Variants in SLC18A1 observed in about 807,000 individuals in gnomAD.
The protein encoded by SLC18A1 is chromaffin granule amine transporter.
In SLC18A1, 69 loss-of-function variants were observed where a neutral mutation model predicts 53.7. The ratio of observed to expected loss-of-function variants is 1.28; its 90% CI spans 1.06 to 1.57. SLC18A1 has a LOEUF of 1.57. Among genes scored for constraint, SLC18A1 ranks in the 40% most tolerant of loss-of-function variants. The pLI is 0.00. For synonymous variants in SLC18A1, 320 were observed against 248.1 expected (o/e 1.29, Z -2.72); for missense variants, 932 against 668.1 (o/e 1.40, Z -4.35).
chr8:20,178,479 A>G lies in SLC18A1; in HGVS notation c.503T>C (p.Ile168Thr), dbSNP rs61731076. 8.1e-4 allele frequency: 1,309 copies of G among 1,608,928 alleles called. 9 individuals are homozygous for G. The African/African-American group carries it at 0.015, about 18-fold the overall frequency. Residue 168 changes from isoleucine to threonine, a missense_variant, in exon 4 of 16, where the codon ATC (isoleucine) becomes ACC (threonine). Physicochemically the swap from Ile to Thr is moderately conservative, Grantham distance 89. Coordinates refer to ENST00000276373, the MANE Select transcript of SLC18A1 (RefSeq NM_003053.4). ...GATAACAAAGCCAGCAAACATGGGG[A>G]TATGATATCCAATCCTAAAAGGGAA... ...GPLTNRIGYH[I>T]PMFAGFVIMF...
intron 13 of SLC18A1, 108 bp downstream of exon 13, chr8:20,147,899 C>A (rs1435826691): frequency 3.4e-5 from 49 of 1,447,490 alleles, no homozygotes; most frequent in Non-Finnish European, 4.6e-5. Context: ...CCCTCCTGAT[C>A]CTTCTGCCTC....
Position 20,168,981 on chromosome 8 carries a change from G to A in SLC18A1, c.858+2122C>T, listed in dbSNP as rs558132138. Among the ~76,000 whole-genome samples, 110 of 152,256 alleles carry A rather than the reference G, an allele frequency of 7.2e-4. 3 individuals are homozygous for A. The South Asian group carries it at 0.021, about 30-fold the overall frequency. On this transcript the variant is annotated intron_variant, in intron 8 of 15. Transcript: ENST00000276373. ...AGGCAGAAAGGAAATTTAAGGAGGA[G>A]TAGGAGATTTATATGACTTTACAAC...
intron 14 of SLC18A1, 38 bp downstream of exon 14, chr8:20,147,565 G>C: frequency 6.2e-7 from 1 of 1,612,620 alleles, no homozygotes; most frequent in Non-Finnish European, 8.5e-7. Flanking sequence ...GTAAAGAGTA[G>C]ACAGGGGAAA....
chr8:20,145,677 G>T lies in SLC18A1; in HGVS notation c.*86C>A. ...CAGGCAGAGGTATGTGAAGCCCACT[G>T]AGCCGTGGGCTCAGCCATGGTGATC... On this transcript the variant is annotated 3_prime_UTR_variant, in exon 16 of 16. Coordinates refer to ENST00000276373, the MANE Select transcript of SLC18A1 (RefSeq NM_003053.4). 1 of 767,114 alleles carries T rather than the reference G, an allele frequency of 1.3e-6. No homozygotes were observed. The highest frequency in any genetic ancestry group is 2.1e-6 in the Non-Finnish European group (1 of 465,336). 47.5% of individuals were successfully genotyped at this position (767,114 alleles called of 1,614,324 possible).
In SLC18A1 at chr8:20,164,450, T is replaced by A. The variant is rs561359534; in HGVS notation, c.1015+419A>T. Among the ~76,000 whole-genome samples, 14 of 152,240 alleles carry A rather than the reference T, an allele frequency of 9.2e-5. No homozygotes were observed. In the South Asian group the frequency reaches 1.7e-3, roughly 18 times the overall value. On this transcript the variant is annotated intron_variant, in intron 10 of 15. Coordinates refer to ENST00000276373, the MANE Select transcript of SLC18A1 (RefSeq NM_003053.4). ...TAATATTGTACAGGGTACAAAGCAT[T>A]TTCACCTCATATGTCATTTATTCAT...
chr8:20,168,760 G>A (rs2072037386), intron 8 of SLC18A1, among the ~76,000 whole-genome samples: 1 of 152,194 alleles, frequency 6.6e-6, no homozygotes. Flanking sequence ...AGCAGAGACA[G>A]GGTTTTGCCA....
chr8:20,161,142 G>C (rs1445979245), intron 10 of SLC18A1, among the ~76,000 whole-genome samples: 5 of 152,146 alleles, frequency 3.3e-5, no homozygotes, highest in Non-Finnish European at 5.9e-5. Flanking sequence ...AGTTTCAGAA[G>C]TCTTAAGTGG....
intron 10 of SLC18A1, among the ~76,000 whole-genome samples, chr8:20,156,438 C>A (rs552385689): frequency 1.3e-5 from 2 of 152,086 alleles, no homozygotes; most frequent in African/African-American, 4.8e-5. Flanking sequence ...TCAGGAGGTA[C>A]CCCCTTAAGG....
chr8:20,163,045 A>G (rs960974215), intron 10 of SLC18A1, among the ~76,000 whole-genome samples: 13 of 152,192 alleles, frequency 8.5e-5, no homozygotes, highest in Admixed American at 4.6e-4. Context: ...TGATTTATCA[A>G]TGAAAGAGAT....
chr8:20,177,537 T>C (rs1195405109), intron 4 of SLC18A1, among the ~76,000 whole-genome samples: 2 of 152,150 alleles, frequency 1.3e-5, no homozygotes, highest in Non-Finnish European at 2.9e-5. Context: ...ATACCTAATG[T>C]AAATGATGAG....
At chr8:20,176,981 T>C (rs2072268199) in intron 4 of SLC18A1, among the ~76,000 whole-genome samples, 1 of 152,222 alleles carries the variant, frequency 6.6e-6, no homozygotes, top group African/African-American at 2.4e-5. Context: ...ACACTTCTGA[T>C]AGCTGGAATC....
In SLC18A1 at chr8:20,165,117, T is replaced by A; in HGVS notation, c.859-10A>T. On this transcript the variant is annotated splice_polypyrimidine_tract_variant and intron_variant, in intron 8 of 15. Transcript: ENST00000276373. ...GAGTCCCCTTGGCACTCTGAGAACATGGATAACAAAAAATGTCCATTTGTA... is the reference window on the plus strand; with the variant it reads ...GAGTCCCCTTGGCACTCTGAGAACAAGGATAACAAAAAATGTCCATTTGTA... The A allele has an allele frequency of 6.2e-7, 1 of 1,613,042 alleles. No individual in the cohort carries two copies. Among genetic ancestry groups the A allele is most frequent in the Non-Finnish European group, 8.5e-7 (1 of 1,179,044 alleles).
chr8:20,166,238 C>T (rs944231164), intron 8 of SLC18A1, among the ~76,000 whole-genome samples: 14 of 145,746 alleles, frequency 9.6e-5, no homozygotes, highest in Admixed American at 2.7e-4. Context: ...TAAAATATGG[C>T]GCACACACTA....
chr8:20,156,767 C>T (rs1454531413), intron 10 of SLC18A1, among the ~76,000 whole-genome samples: 1 of 152,164 alleles, frequency 6.6e-6, no homozygotes, highest in African/African-American at 2.4e-5. Context: ...GGGTGTATTC[C>T]TACAAAGGAA....
At position 20,179,389 on chromosome 8, in the gene SLC18A1, CGAGGGCATGTGGG is replaced by C. The variant is rs756102413; in HGVS notation, c.207_219del (p.His71LeufsTer26). ...AAGATGGTGGAAAAGGCAGGAGAGG[CGAGGGCATGTGGG>C]GAACTTCCGGCATGGCCGAGGTGCA... On this transcript the variant is annotated frameshift_variant, in exon 3 of 16. Coordinates refer to ENST00000276373, the MANE Select transcript of SLC18A1 (RefSeq NM_003053.4). LOFTEE classifies it high-confidence loss of function. The C allele has an allele frequency of 3.3e-5, 54 of 1,613,970 alleles. 1 individual carries two copies. The Middle Eastern group carries it at 1.7e-3, about 50-fold the overall frequency.
chr8:20,152,872 T>C (rs2071593125), intron 10 of SLC18A1, among the ~76,000 whole-genome samples: 1 of 152,158 alleles, frequency 6.6e-6, no homozygotes, highest in Non-Finnish European at 1.5e-5. Context: ...TGATCAGGGC[T>C]GGGATGCTCC....
chr8:20,147,708 A>T lies in SLC18A1; in HGVS notation c.1225T>A (p.Ser409Thr). 2 of 1,613,542 alleles carry T rather than the reference A, an allele frequency of 1.2e-6. No individual in the cohort carries two copies. The highest frequency in any genetic ancestry group is 1.7e-6 in the Non-Finnish European group (2 of 1,179,874). The change falls in exon 14 of 16, where the codon TCT becomes ACT. Residue 409 changes from serine (S) to threonine (T), a missense_variant. By Grantham distance (58) the Ser-to-Thr change is moderately conservative (BLOSUM62 1). Transcript: ENST00000276373. ...AGGTGCCCCATGATGGGCATCATAG[A>T]AGAATCCACCATGCCTGTGGCCAGA... Reference protein sequence around the residue: ...LGLAIGMVDSSMMPIMGHLVD... With the variant: ...LGLAIGMVDSTMMPIMGHLVD...
chr8:20,176,513 A>G (rs990518813), intron 4 of SLC18A1, among the ~76,000 whole-genome samples: 5 of 152,178 alleles, frequency 3.3e-5, no homozygotes, highest in African/African-American at 1.2e-4. Flanking sequence ...TGGTCATTCT[A>G]TTTAGGAATA....
intron 8 of SLC18A1, among the ~76,000 whole-genome samples, chr8:20,166,927 G>A (rs35530484): frequency 6.6e-6 from 1 of 152,182 alleles, no homozygotes; most frequent in Non-Finnish European, 1.5e-5. Flanking sequence ...GACGCACTGA[G>A]AAGGTGGCTG....
Sources: gnomAD v4.1 joint callset for allele counts (sites outside exome capture counted in the v4.1 genomes callset) on GRCh38, gnomAD v4.1.1 for gene constraint, MANE v1.5 for transcripts, NCBI Gene and HGNC (gene_info 2026-07-23, HGNC 2026-07-21) for gene names.